Variants in RABGEF1 observed in about 807,000 individuals in gnomAD.
RABGEF1 encodes the protein RAB guanine nucleotide exchange factor 1.
Under a neutral mutation model 57.3 loss-of-function variants are expected in RABGEF1, and 26 were observed. The observed-to-expected ratio is 0.45, with a 90% confidence interval of 0.33 to 0.63. RABGEF1 has a LOEUF of 0.63. Among genes scored for constraint, RABGEF1 ranks in the 20% least tolerant of loss-of-function variants. RABGEF1 has a pLI of 0.02. For synonymous variants in RABGEF1, 185 were observed against 210.7 expected, an observed-to-expected ratio of 0.88 and a Z score of 1.06; for missense variants, 464 against 607.6, an observed-to-expected ratio of 0.76 and a Z score of 2.48.
At chr7:66,687,939 G>T (rs1026208030) in intron 1 of RABGEF1, among the ~76,000 whole-genome samples, 1 of 152,014 alleles carries the variant, frequency 6.6e-6, no homozygotes, top group African/African-American at 2.4e-5. Flanking sequence ...TACAAAATTA[G>T]CCAGGCGTGG....
At chr7:66,753,223 T>C (rs1801839849) in intron 1 of RABGEF1, among the ~76,000 whole-genome samples, 2 of 152,276 alleles carry the variant, frequency 1.3e-5, no homozygotes, top group South Asian at 4.1e-4. Context: ...ATGTAACTTA[T>C]TATCCACAGG....
At chr7:66,747,081 A>T (rs1341304267) in intron 1 of RABGEF1, among the ~76,000 whole-genome samples, 1 of 152,114 alleles carries the variant, frequency 6.6e-6, no homozygotes, top group Non-Finnish European at 1.5e-5. Context: ...GGTGTGAGCT[A>T]CCGTGCCCGG....
intron 1 of RABGEF1, among the ~76,000 whole-genome samples, chr7:66,706,416 A>G (rs552398541): frequency 6.6e-6 from 1 of 151,796 alleles, no homozygotes; most frequent in Non-Finnish European, 1.5e-5. Context: ...AAGTGGCTGT[A>G]CTATTTTGTT....
intron 1 of RABGEF1, among the ~76,000 whole-genome samples, chr7:66,695,449 C>T (rs568245736): frequency 7.2e-5 from 11 of 152,280 alleles, no homozygotes; most frequent in South Asian, 2.1e-4. Context: ...GGGGCTTTGA[C>T]GCAAGAGGTT....
rs182352148 is a variant in RABGEF1 at position 66,803,580 on chromosome 7, A to G, written c.821-1560A>G. Among the ~76,000 whole-genome samples the G allele has an allele frequency of 3.3e-3, 505 of 152,236 alleles. 3 individuals carry two copies. The highest frequency in any genetic ancestry group is 0.018 in the South Asian group (88 of 4,826). On this transcript the variant is annotated intron_variant, in intron 7 of 8. Transcript: ENST00000284957. ...TCATGAGAGCCCACTGCTTGGACTTAGTGATAGTTGTGGGTAGTGAAATTT... is the reference window on the plus strand; with the variant it reads ...TCATGAGAGCCCACTGCTTGGACTTGGTGATAGTTGTGGGTAGTGAAATTT...
upstream of RABGEF1, among the ~76,000 whole-genome samples, chr7:66,738,191 G>GT (rs1244554100): frequency 1.3e-5 from 2 of 151,844 alleles, no homozygotes; most frequent in Non-Finnish European, 1.5e-5. Flanking sequence ...GCTAATTTTT[G>GT]TATTTTTAGT....
In RABGEF1 at chr7:66,786,170, C is replaced by T. The variant is rs111810681; in HGVS notation, c.513+2329C>T. ...TGTTTTCTCCAAGCCCTGTATATGC[C>T]GGTGGTGAGCAGCCTTTTCAGCATA... On this transcript the variant is annotated intron_variant, in intron 4 of 8. Coordinates refer to ENST00000284957, the MANE Select transcript of RABGEF1 (RefSeq NM_014504.3). 2.8e-3 allele frequency among the ~76,000 whole-genome samples: 433 copies of T among 152,240 alleles called. 1 individual carries two copies. The highest frequency in any genetic ancestry group is 1.0e-2 in the African/African-American group (415 of 41,548).
At chr7:66,739,783 TTTC>T (rs1426838024), upstream of RABGEF1, 2 of 152,180 alleles carry the variant, frequency 1.3e-5, no homozygotes, top group East Asian at 1.9e-4. Context: ...AGCATAGTAT[TTTC>T]TTTTTTTTCT....
At chr7:66,761,677 T>C (rs549971259) in intron 1 of RABGEF1, among the ~76,000 whole-genome samples, 48 of 152,166 alleles carry the variant, frequency 3.2e-4, no homozygotes, top group Non-Finnish European at 5.3e-4. Flanking sequence ...CAATCCAGAA[T>C]AGAGTCCTGC....
At chr7:66,745,091 C>T (rs1404349671) in intron 1 of RABGEF1, among the ~76,000 whole-genome samples, 2 of 151,784 alleles carry the variant, frequency 1.3e-5, no homozygotes, top group Admixed American at 6.6e-5. Context: ...ACTCAGGAGG[C>T]TGAGGCAGGA....
rs1812112154 is a variant in RABGEF1, at chr7:66,789,676, C to CT, written c.514-5834dup. Among the ~76,000 whole-genome samples the CT allele has an allele frequency of 6.4e-5, 5 of 78,412 alleles. 1 individual carries two copies. In the South Asian group the frequency reaches 3.0e-3, roughly 47 times the overall value. 51.4% of individuals were successfully genotyped at this position (78,412 alleles called of 152,430 possible). On this transcript the variant is annotated intron_variant, in intron 4 of 8. Coordinates refer to ENST00000284957, the MANE Select transcript of RABGEF1 (RefSeq NM_014504.3). ...CCAGCCTCAGCATCGGAGCGAGACTCTATCTCAAAAAAAAAAAAAAAAAAA... is the reference window on the plus strand; with the variant it reads ...CCAGCCTCAGCATCGGAGCGAGACTCTTATCTCAAAAAAAAAAAAAAAAAAA...
rs748165911 is a variant in RABGEF1 at position 66,808,940 on chromosome 7, C to T, written c.1132C>T (p.Gln378Ter). The T allele has an allele frequency of 6.2e-7, 1 of 1,612,706 alleles. No homozygotes were observed. The highest frequency in any genetic ancestry group is 8.5e-7 in the Non-Finnish European group (1 of 1,178,822). Residue 378 changes from glutamine (Q) to a stop codon, truncating the protein, a stop_gained, in exon 9 of 9, where the codon CAG becomes TAG. Transcript: ENST00000284957. LOFTEE classifies it high-confidence loss of function. ...AGACGCCCAGTCTTTGAATCTAAGT[C>T]AGGAGGATTTTGATCGCTACATGTC... ...KLDAQSLNLS[Q>*]EDFDRYMSGQ... is the part of the protein sequence containing the mutation.
At chr7:66,705,732 C>T (rs866528942) in intron 1 of RABGEF1, among the ~76,000 whole-genome samples, 25 of 148,510 alleles carry the variant, frequency 1.7e-4, no homozygotes, top group African/African-American at 5.2e-4. Context: ...GTTTTTGAGA[C>T]GGAGTCTTGC....
At chr7:66,688,862 G>A (rs1361152865) in intron 1 of RABGEF1, among the ~76,000 whole-genome samples, 1 of 152,194 alleles carries the variant, frequency 6.6e-6, no homozygotes, top group African/African-American at 2.4e-5. Flanking sequence ...GGAGGCCGAA[G>A]CGGGAGGATC....
the RABGEF1 span, among the ~76,000 whole-genome samples, chr7:66,658,408 C>A: frequency 6.6e-6 from 1 of 152,000 alleles, no homozygotes; most frequent in Non-Finnish European, 1.5e-5. Flanking sequence ...TGGCAGGCGC[C>A]TGTAATCACA....
intron 1 of RABGEF1, among the ~76,000 whole-genome samples, chr7:66,753,777 G>C (rs1184809109): frequency 7.3e-6 from 1 of 136,296 alleles, no homozygotes; most frequent in Non-Finnish European, 1.5e-5. Context: ...CACGATCTTG[G>C]CTCGCTGCAA....
intron 1 of RABGEF1, among the ~76,000 whole-genome samples, chr7:66,746,717 C>T (rs1365261247): frequency 4.0e-5 from 6 of 150,540 alleles, no homozygotes; most frequent in African/African-American, 9.8e-5. Context: ...TCCACCTCCC[C>T]GGTTCAAGCG....
the RABGEF1 span, among the ~76,000 whole-genome samples, chr7:66,674,192 C>CA: frequency 7.2e-6 from 1 of 139,330 alleles, no homozygotes; most frequent in Admixed American, 7.2e-5. Flanking sequence ...CCACTAAAGG[C>CA]TTTTTTTTTT....
upstream of RABGEF1, among the ~76,000 whole-genome samples, chr7:66,739,026 C>G (rs1357278908): frequency 1.3e-5 from 2 of 152,092 alleles, no homozygotes; most frequent in African/African-American, 4.8e-5. Flanking sequence ...TCTCAGCTCA[C>G]TGCAACCTCC....
Sources: gnomAD v4.1 joint callset for allele counts (sites outside exome capture counted in the v4.1 genomes callset) on GRCh38, gnomAD v4.1.1 for gene constraint, MANE v1.5 for transcripts, NCBI Gene and HGNC (gene_info 2026-07-23, HGNC 2026-07-21) for gene names.